FSTL5: variants seen among roughly 807,000 people sequenced by gnomAD.
FSTL5 encodes the protein follistatin like 5.
FSTL5 carries 62 observed loss-of-function variants against 89.1 expected under a neutral mutation model. The ratio of observed to expected loss-of-function variants is 0.70; its 90% confidence interval spans 0.57 to 0.86. The LOEUF (loss-of-function observed/expected upper bound fraction) is 0.86. FSTL5 is among the 40% of genes least tolerant of loss of function. The pLI, the probability that FSTL5 is intolerant of heterozygous loss-of-function variation, is 0.00. For missense variants in FSTL5, 1,057 were observed against 1,001.6 expected, an observed-to-expected ratio of 1.06 and a Z score of -0.75; for synonymous variants, 383 against 346.2, an observed-to-expected ratio of 1.11 and a Z score of -1.18.
chr4:161,547,315 TTC>T (rs1434621713), intron 8 of FSTL5, among the ~76,000 whole-genome samples: 3 of 152,186 alleles, frequency 2.0e-5, no homozygotes, highest in East Asian at 3.9e-4. Flanking sequence ...ATTATTTCAT[TTC>T]TCTGTTTATT....
At chr4:161,587,098 A>G in intron 8 of FSTL5, among the ~76,000 whole-genome samples, 1 of 152,296 alleles carries the variant, frequency 6.6e-6, no homozygotes. Flanking sequence ...AGTCTATATC[A>G]TTAAAACAAT....
intron 4 of FSTL5, among the ~76,000 whole-genome samples, chr4:161,854,718 T>C (rs903728155): frequency 6.6e-6 from 1 of 152,054 alleles, no homozygotes; most frequent in Non-Finnish European, 1.5e-5. Flanking sequence ...TCATGAGAAA[T>C]GTACAAAATA....
chr4:161,723,700 T>G (rs1215943022), intron 6 of FSTL5, among the ~76,000 whole-genome samples: 1 of 152,140 alleles, frequency 6.6e-6, no homozygotes, highest in African/African-American at 2.4e-5. Flanking sequence ...ACCTACTGAT[T>G]TGAAAATGGA....
intron 7 of FSTL5, among the ~76,000 whole-genome samples, chr4:161,608,562 G>T (rs1031249225): frequency 6.6e-6 from 1 of 151,578 alleles, no homozygotes; most frequent in Non-Finnish European, 1.5e-5. Context: ...TTCATAATTT[G>T]GAAATTTTCT....
At chr4:161,723,202 T>C (rs986894373) in intron 6 of FSTL5, among the ~76,000 whole-genome samples, 1 of 152,196 alleles carries the variant, frequency 6.6e-6, no homozygotes, top group Non-Finnish European at 1.5e-5. Context: ...GCTTTATAAA[T>C]TGATTTGATT....
At chr4:161,685,083 C>A (rs528758205) in intron 6 of FSTL5, among the ~76,000 whole-genome samples, 1 of 152,110 alleles carries the variant, frequency 6.6e-6, no homozygotes, top group African/African-American at 2.4e-5. Context: ...TTACTGGGTT[C>A]TTTATTCTGT....
chr4:161,634,990 A>C (rs1434230536), intron 7 of FSTL5, among the ~76,000 whole-genome samples: 1 of 152,196 alleles, frequency 6.6e-6, no homozygotes, highest in African/African-American at 2.4e-5. Context: ...ATTATATGTC[A>C]TAAATGTATA....
intron 4 of FSTL5, among the ~76,000 whole-genome samples, chr4:161,806,467 T>C (rs1275271571): frequency 6.6e-6 from 1 of 151,880 alleles, no homozygotes; most frequent in East Asian, 1.9e-4. Context: ...GGGATGAGTG[T>C]AAAAGAAAAG....
chr4:162,108,245 C>T (rs1731296581), intron 2 of FSTL5, among the ~76,000 whole-genome samples: 1 of 152,020 alleles, frequency 6.6e-6, no homozygotes, highest in East Asian at 1.9e-4. Flanking sequence ...GACAAATTTT[C>T]AATTACATTT....
At chr4:161,746,909 T>C (rs1740221275) in intron 6 of FSTL5, among the ~76,000 whole-genome samples, 1 of 152,156 alleles carries the variant, frequency 6.6e-6, no homozygotes, top group Non-Finnish European at 1.5e-5. Context: ...GCTTTGCTGA[T>C]GGGCCCCCCA....
At chr4:161,803,319 G>T (rs1729856651) in intron 4 of FSTL5, among the ~76,000 whole-genome samples, 1 of 151,836 alleles carries the variant, frequency 6.6e-6, no homozygotes, top group South Asian at 2.1e-4. Flanking sequence ...AATCTATATT[G>T]TCTTTAATAT....
chr4:162,116,089 C>A (rs1336405420), intron 1 of FSTL5, among the ~76,000 whole-genome samples: 1 of 152,202 alleles, frequency 6.6e-6, no homozygotes, highest in Admixed American at 6.5e-5. Context: ...ACCTGCCTCT[C>A]ACTCTGTTGT....
rs75681010 is a variant in FSTL5, at chr4:161,805,163, G to A, written c.410-29089C>T. 1.7e-4 allele frequency among the ~76,000 whole-genome samples: 26 copies of A among 152,026 alleles called. No individual in the cohort carries two copies. The East Asian group carries it at 4.5e-3, about 26-fold the overall frequency. On this transcript the variant is annotated intron_variant, in intron 4 of 15. Transcript: ENST00000306100. ...TGTCAATAGCTACTTTCTTTATACC[G>A]AGGGCATTCCTGATATAATTTTTGC...
At chr4:161,651,019 C>G (rs1441770470) in intron 7 of FSTL5, among the ~76,000 whole-genome samples, 3 of 152,128 alleles carry the variant, frequency 2.0e-5, no homozygotes, top group South Asian at 4.1e-4. Flanking sequence ...TCACCCCTGA[C>G]TGCCAATCCT....
intron 8 of FSTL5, among the ~76,000 whole-genome samples, chr4:161,556,974 T>C (rs992610071): frequency 5.3e-5 from 8 of 151,274 alleles, no homozygotes; most frequent in African/African-American, 1.9e-4. Flanking sequence ...TAAATATAGT[T>C]TCCTAATTTC....
At position 162,019,264 on chromosome 4, in the gene FSTL5, T is replaced by C. The variant is rs77138883; in HGVS notation, c.160+14361A>G. On this transcript the variant is annotated intron_variant, in intron 3 of 15. Transcript: ENST00000306100. ...ATATGTATGCTACCTATTAAAACTC[T>C]AGCTAATCATAACATATGATCTAGA... Among the ~76,000 whole-genome samples the C allele has an allele frequency of 0.017, 2,571 of 152,186 alleles. 138 individuals are homozygous for C. The East Asian group carries it at 0.19, about 11-fold the overall frequency.
At chr4:161,399,169 T>C (rs1342421646) in intron 15 of FSTL5, among the ~76,000 whole-genome samples, 2 of 152,072 alleles carry the variant, frequency 1.3e-5, no homozygotes, top group Non-Finnish European at 2.9e-5. Context: ...TTAAACTTGT[T>C]TTGTTATGTT....
chr4:161,934,811 T>TCAA (rs1358759017), intron 3 of FSTL5, among the ~76,000 whole-genome samples: 1 of 152,146 alleles, frequency 6.6e-6, no homozygotes, highest in Admixed American at 6.6e-5. Context: ...TCTGCTATCA[T>TCAA]TAACATCAAT....
intron 8 of FSTL5, among the ~76,000 whole-genome samples, chr4:161,572,940 T>C (rs1381122611): frequency 1.3e-5 from 2 of 152,194 alleles, no homozygotes; most frequent in African/African-American, 4.8e-5. Flanking sequence ...CAAAAAGTGA[T>C]ACGGTGGCTT....
Sources: allele counts gnomAD v4.1 joint callset (sites outside exome capture counted in the v4.1 genomes callset), GRCh38; gene constraint gnomAD v4.1.1; transcripts MANE v1.5; gene names NCBI Gene and HGNC (gene_info 2026-07-23, HGNC 2026-07-21).